The following PCP4 variants were observed in gnomAD, a reference collection of about 807,000 sequenced individuals.
PCP4 encodes the protein calmodulin regulator protein PCP4.
In PCP4, 8 loss-of-function variants were observed where a neutral mutation model predicts 10.0. That is an observed-to-expected ratio of 0.80 (90% CI 0.47 to 1.45). PCP4 has a LOEUF of 1.45. Ranked by LOEUF, PCP4 falls within the 40% of genes most tolerant of loss-of-function variation. The pLI, the probability that PCP4 is intolerant of heterozygous loss-of-function variation, is 0.00. For synonymous variants in PCP4, 21 were observed against 23.0 expected, an observed-to-expected ratio of 0.91 and a Z score of 0.24; for missense variants, 54 against 74.4, an observed-to-expected ratio of 0.73 and a Z score of 1.01.
At chr21:39,893,458 C>G (rs755473984) in intron 1 of PCP4, among the ~76,000 whole-genome samples, 1 of 152,216 alleles carries the variant, frequency 6.6e-6, no homozygotes, top group African/African-American at 2.4e-5. Flanking sequence ...CTTTTATTCA[C>G]GAACACTGCC....
intron 1 of PCP4, among the ~76,000 whole-genome samples, chr21:39,869,754 G>T (rs1013351766): frequency 2.6e-5 from 4 of 152,232 alleles, no homozygotes; most frequent in Non-Finnish European, 5.9e-5. Flanking sequence ...TAGAGAACTC[G>T]ATTCCCCCTT....
chr21:39,897,793 T>C (rs562295771), intron 1 of PCP4, among the ~76,000 whole-genome samples: 1 of 152,212 alleles, frequency 6.6e-6, no homozygotes, highest in South Asian at 2.1e-4. Context: ...ACGCCTGTAA[T>C]CCCAGCACTT....
chr21:39,878,023 G>GTCT (rs59990560), intron 1 of PCP4, among the ~76,000 whole-genome samples: 101,684 of 151,662 alleles, frequency 0.67, 35,924 homozygotes, highest in African/African-American at 0.91. Flanking sequence ...GAGAGATTAT[G>GTCT]TCTTCTATAC....
At chr21:39,868,700 A>G (rs2087305443) in intron 1 of PCP4, among the ~76,000 whole-genome samples, 1 of 152,184 alleles carries the variant, frequency 6.6e-6, no homozygotes, top group Non-Finnish European at 1.5e-5. Context: ...AGTGGGCACC[A>G]TTATTATTCC....
At chr21:39,894,754 T>C (rs2087448843) in intron 1 of PCP4, among the ~76,000 whole-genome samples, 1 of 152,206 alleles carries the variant, frequency 6.6e-6, no homozygotes, top group African/African-American at 2.4e-5. Flanking sequence ...ACTTTTGAAC[T>C]ATGACTACTT....
At chr21:39,926,913 C>T (rs1039025493) in intron 2 of PCP4, among the ~76,000 whole-genome samples, 1 of 152,164 alleles carries the variant, frequency 6.6e-6, no homozygotes, top group Non-Finnish European at 1.5e-5. Context: ...TTGGGCTGTC[C>T]TGGGTTAAAA....
intron 1 of PCP4, among the ~76,000 whole-genome samples, chr21:39,891,976 C>T (rs1366892778): frequency 6.6e-6 from 1 of 152,190 alleles, no homozygotes; most frequent in Non-Finnish European, 1.5e-5. Flanking sequence ...TTTAGGCCTC[C>T]GGATGACTGC....
chr21:39,903,077 G>C (rs564066591), intron 2 of PCP4, among the ~76,000 whole-genome samples: 2 of 152,252 alleles, frequency 1.3e-5, no homozygotes, highest in South Asian at 4.1e-4. Flanking sequence ...CTGGTTGTCC[G>C]GAGAGACTCC....
chr21:39,905,643 A>G (rs919289052), intron 2 of PCP4, among the ~76,000 whole-genome samples: 7 of 152,184 alleles, frequency 4.6e-5, no homozygotes, highest in African/African-American at 1.7e-4. Context: ...TCGGATAAGT[A>G]TGGTGCTTCT....
chr21:39,880,940 A>G (rs2087372636), intron 1 of PCP4, among the ~76,000 whole-genome samples: 1 of 152,188 alleles, frequency 6.6e-6, no homozygotes, highest in Non-Finnish European at 1.5e-5. Context: ...CAAAATATGG[A>G]ACAAATATCT....
chr21:39,876,569 G>C (rs1319362803), intron 1 of PCP4, among the ~76,000 whole-genome samples: 3 of 152,168 alleles, frequency 2.0e-5, no homozygotes, highest in Non-Finnish European at 4.4e-5. Context: ...ATGATATTCT[G>C]AGAGCAAGTC....
At chr21:39,928,462 G>T (rs1246586268) in intron 2 of PCP4, among the ~76,000 whole-genome samples, 1 of 152,174 alleles carries the variant, frequency 6.6e-6, no homozygotes, top group Non-Finnish European at 1.5e-5. Context: ...CAGTCGAACT[G>T]TGAAGGTCAA....
chr21:39,872,731 A>T (rs990408777), intron 1 of PCP4, among the ~76,000 whole-genome samples: 1 of 152,178 alleles, frequency 6.6e-6, no homozygotes, highest in Non-Finnish European at 1.5e-5. Context: ...CTGAATGAAT[A>T]AATAAGTTTT....
At chr21:39,921,471 C>A (rs1186959637) in intron 2 of PCP4, among the ~76,000 whole-genome samples, 1 of 152,202 alleles carries the variant, frequency 6.6e-6, no homozygotes, top group East Asian at 1.9e-4. Flanking sequence ...AGCCCAAATT[C>A]TCTTTGTAAA....
chr21:39,876,114 A>T (rs920440980), intron 1 of PCP4, among the ~76,000 whole-genome samples: 1 of 149,936 alleles, frequency 6.7e-6, no homozygotes, highest in Non-Finnish European at 1.5e-5. Flanking sequence ...TATATATTAA[A>T]TATATAGTAA....
intron 2 of PCP4, among the ~76,000 whole-genome samples, chr21:39,919,633 C>T (rs2087585083): frequency 6.6e-6 from 1 of 151,738 alleles, no homozygotes; most frequent in South Asian, 2.1e-4. Context: ...AAGCATTTAC[C>T]TGTTTGTGTG....
chr21:39,911,406 C>G (rs1342481722), intron 2 of PCP4, among the ~76,000 whole-genome samples: 2 of 152,122 alleles, frequency 1.3e-5, no homozygotes, highest in African/African-American at 4.8e-5. Context: ...GGCTGGCACC[C>G]CAGTGACTGG....
intron 1 of PCP4, among the ~76,000 whole-genome samples, chr21:39,872,065 C>T (rs1456126386): frequency 6.6e-6 from 1 of 152,168 alleles, no homozygotes; most frequent in African/African-American, 2.4e-5. Flanking sequence ...GTAGCGCGAT[C>T]TTGGCTCACT....
chr21:39,903,157 T>A (rs1346327399), intron 2 of PCP4, among the ~76,000 whole-genome samples: 1 of 152,178 alleles, frequency 6.6e-6, no homozygotes, highest in Non-Finnish European at 1.5e-5. Context: ...GCTGGGAGCC[T>A]TCCAACCTGA....
Sources: allele counts gnomAD v4.1 joint callset (sites outside exome capture counted in the v4.1 genomes callset), GRCh38; gene constraint gnomAD v4.1.1; transcripts MANE v1.5; gene names NCBI Gene and HGNC (gene_info 2026-07-23, HGNC 2026-07-21).